The following ZNF527 variants were observed in gnomAD, a reference collection of about 807,000 sequenced individuals.
ZNF527 encodes zinc finger protein 527.
ZNF527 carries 5 observed loss-of-function variants against 13.5 expected under a neutral mutation model. The ratio of observed to expected loss-of-function variants is 0.37; its 90% CI spans 0.19 to 0.78. The LOEUF (loss-of-function observed/expected upper bound fraction) is 0.78, where lower values mean the gene tolerates loss of function less well. Ranked by LOEUF, ZNF527 falls within the 30% of genes least tolerant of loss-of-function variation. The pLI is 0.48. For missense variants in ZNF527, 628 were observed against 726.4 expected (o/e 0.86, Z 1.56); for synonymous variants, 209 against 243.1 (o/e 0.86, Z 1.30).
Position 37,385,532 on chromosome 19 carries a change from G to A in ZNF527, c.257-2774G>A, listed in dbSNP as rs1055239427. On this transcript the variant is annotated intron_variant, in intron 4 of 4. Transcript: ENST00000436120. ...TAGGTCCTATTATTGGTTTTGGAATGTTCTTTTTTTGTTCATAATTTTCTT... is the reference window on the plus strand; with the variant it reads ...TAGGTCCTATTATTGGTTTTGGAATATTCTTTTTTTGTTCATAATTTTCTT... 37 of 392,456 alleles carry A rather than the reference G, an allele frequency of 9.4e-5. 1 individual carries two copies. The highest frequency in any genetic ancestry group is 1.4e-4 in the Non-Finnish European group (32 of 223,058). 24.3% of individuals were successfully genotyped at this position (392,456 alleles called of 1,614,324 possible). A position where few individuals can be genotyped will look rare whatever the true frequency, so the allele number is the denominator to read the frequency against.
chr19:37,379,460 C>A, intron 3 of ZNF527: 73 of 160,704 alleles, frequency 4.5e-4, no homozygotes, highest in Middle Eastern at 5.1e-3. Context: ...GAAGTAATTT[C>A]TTTTTTTTTT....
chr19:37,388,736 G>A lies in ZNF527; in HGVS notation c.687G>A (p.Gln229=). 6.2e-6 allele frequency: 10 copies of A among 1,612,554 alleles called. No homozygotes were observed. Among genetic ancestry groups the A allele is most frequent in the African/African-American group, 1.3e-5 (1 of 74,916 alleles). ...LIGNECEEFN[Q]STYLSKDIGI... is the part of the protein sequence containing the mutation. ...GTAATGAATGTGAAGAATTCAACCA[G>A]AGTACGTACCTTAGTAAAGATATAG... The change falls in exon 5 of 5, where the codon CAG becomes CAA. Residue 229 remains glutamine (Q), a synonymous_variant. Coordinates refer to ENST00000436120, the MANE Select transcript of ZNF527 (RefSeq NM_032453.2).
intron 1 of ZNF527, 102 bp from the exon 2 acceptor site, chr19:37,374,056 C>T (rs1337382428): frequency 1.1e-5 from 8 of 761,698 alleles, no homozygotes; most frequent in Non-Finnish European, 1.8e-5. Flanking sequence ...GTGAGGCTGG[C>T]CCATGTAGGG....
At chr19:37,388,074 C>A (rs2040714592) in intron 4 of ZNF527, among the ~76,000 whole-genome samples, 1 of 152,124 alleles carries the variant, frequency 6.6e-6, no homozygotes, top group Non-Finnish European at 1.5e-5. Flanking sequence ...ACCTGTGTCC[C>A]CAACTACCAC....
At chr19:37,375,286 CTTT>C (rs1568691361) in intron 2 of ZNF527, among the ~76,000 whole-genome samples, 2 of 122,594 alleles carry the variant, frequency 1.6e-5, no homozygotes, top group African/African-American at 3.5e-5. Flanking sequence ...TTCTTTCTTT[CTTT>C]CTTTCTTTCT....
At chr19:37,383,417 G>C (rs979807796) in intron 4 of ZNF527, among the ~76,000 whole-genome samples, 4 of 151,996 alleles carry the variant, frequency 2.6e-5, no homozygotes, top group Non-Finnish European at 5.9e-5. Flanking sequence ...TGTAATTTTA[G>C]TAGAGACAGG....
intron 2 of ZNF527, among the ~76,000 whole-genome samples, chr19:37,375,775 C>T (rs1254257523): frequency 6.6e-6 from 1 of 151,970 alleles, no homozygotes; most frequent in African/African-American, 2.4e-5. Context: ...ACATTCAGAG[C>T]CACACAAGAA....
chr19:37,392,205 C>T lies in ZNF527; in HGVS notation c.*2326C>T, dbSNP rs945815667. 8.6e-5 allele frequency: 13 copies of T among 151,818 alleles called. No homozygotes were observed. The highest frequency in any genetic ancestry group is 3.1e-4 in the African/African-American group (13 of 41,338). 9.4% of individuals were successfully genotyped at this position (151,818 alleles called of 1,614,324 possible). On this transcript the variant is annotated 3_prime_UTR_variant, in exon 5 of 5. Transcript: ENST00000436120. The stretch of plus-strand genomic sequence containing the variant: ...ATATTATAAGCTTAATTCATGTCAT[C>T]ATTTCTTTATTTTTTATTATATTTC...
At chr19:37,383,931 T>G (rs973316402) in intron 4 of ZNF527, among the ~76,000 whole-genome samples, 1 of 152,228 alleles carries the variant, frequency 6.6e-6, no homozygotes, top group South Asian at 2.1e-4. Flanking sequence ...TTCTTTTCAT[T>G]TTAATAAGTG....
rs779490423 is a variant in ZNF527 at position 37,389,605 on chromosome 19, G to A, written c.1556G>A (p.Ser519Asn). ...TTAGTTCTAATTCACCATAAGAGAA[G>A]TCATGCAGGAGAGAAACCCTATGAA... Reference protein sequence around the residue: ...DALVLIHHKRSHAGEKPYECN... With the variant: ...DALVLIHHKRNHAGEKPYECN... Residue 519 changes from serine (S) to asparagine (N), a missense_variant, in exon 5 of 5, where the codon AGT becomes AAT. Ser to Asn is a conservative substitution (Grantham distance 46, BLOSUM62 1). Transcript: ENST00000436120. 1.9e-5 allele frequency: 31 copies of A among 1,613,688 alleles called. No homozygotes were observed. The highest frequency in any genetic ancestry group is 2.5e-5 in the Non-Finnish European group (30 of 1,179,984).
At chr19:37,385,532 GTTCTTT>G in intron 4 of ZNF527, 1 of 392,572 alleles carries the variant, frequency 2.5e-6, no homozygotes, top group Non-Finnish European at 4.5e-6. Flanking sequence ...GTTTTGGAAT[GTTCTTT>G]TTTTGTTCAT....
At position 37,388,742 on chromosome 19, in the gene ZNF527, G is replaced by T. The variant is rs73930983; in HGVS notation, c.693G>T (p.Thr231=). ...GNECEEFNQS[T]YLSKDIGIPP... ...AATGTGAAGAATTCAACCAGAGTAC[G>T]TACCTTAGTAAAGATATAGGAATTC... Residue 231 remains threonine (T), a synonymous_variant, in exon 5 of 5, where the codon ACG becomes ACT. Coordinates refer to ENST00000436120, the MANE Select transcript of ZNF527 (RefSeq NM_032453.2). 6.2e-7 allele frequency: 1 copy of T among 1,612,728 alleles called. No homozygotes were observed. The highest frequency in any genetic ancestry group is 2.2e-5 in the East Asian group (1 of 44,872).
Position 37,388,984 on chromosome 19 carries a change from G to C in ZNF527, c.935G>C (p.Ser312Thr). The C allele has an allele frequency of 6.2e-7, 1 of 1,614,174 alleles. No individual in the cohort carries two copies. The highest frequency in any genetic ancestry group is 1.1e-5 in the South Asian group (1 of 91,076). ...YACNDCGKAF[S>T]HDFFLSEHQR... ...TGCAATGACTGTGGAAAAGCCTTTA[G>C]CCACGACTTCTTTCTCAGTGAACAT... The change falls in exon 5 of 5, where the codon AGC becomes ACC. Residue 312 changes from serine (S) to threonine (T), a missense_variant. By Grantham distance (58) the Ser-to-Thr change is moderately conservative. This residue lies in a region of ZNF527 where 592 missense variants were observed against 678.0 expected (regional missense o/e 0.87). Coordinates refer to ENST00000436120, the MANE Select transcript of ZNF527 (RefSeq NM_032453.2).
chr19:37,383,320 C>T (rs534432278), intron 4 of ZNF527, among the ~76,000 whole-genome samples: 4 of 152,226 alleles, frequency 2.6e-5, no homozygotes, highest in East Asian at 1.9e-4. Flanking sequence ...ACTGCAACCT[C>T]TGCCTTCCAG....
intron 4 of ZNF527, among the ~76,000 whole-genome samples, chr19:37,384,038 G>C (rs2040676709): frequency 6.6e-6 from 1 of 151,834 alleles, no homozygotes; most frequent in African/African-American, 2.4e-5. Flanking sequence ...AGCACTTTCA[G>C]GCTGGGTGTG....
In ZNF527 at chr19:37,390,524, C is replaced by A. The variant is rs2040743964; in HGVS notation, c.*645C>A. ...AGTCCTTTGCGGGTATTCCTATGGG[C>A]AGTAAGAGAGGTTTTATTCTGGAAC... On this transcript the variant is annotated 3_prime_UTR_variant, in exon 5 of 5. Transcript: ENST00000436120. 1 of 152,124 alleles carries A rather than the reference C, an allele frequency of 6.6e-6. No individual in the cohort carries two copies. The highest frequency in any genetic ancestry group is 2.1e-4 in the South Asian group (1 of 4,824). The allele number at this position is 152,124 out of a possible 1,614,324, so 9.4% of individuals were successfully genotyped here. A position where few individuals can be genotyped will look rare whatever the true frequency, so the allele number is the denominator to read the frequency against.
chr19:37,383,144 G>A (rs1357625255), intron 4 of ZNF527, among the ~76,000 whole-genome samples: 1 of 152,202 alleles, frequency 6.6e-6, no homozygotes, highest in Non-Finnish European at 1.5e-5. Context: ...CTGGAGGTCA[G>A]AAGTAAAAAG....
rs2040746702 is a variant in ZNF527, at chr19:37,390,862, G to A, written c.*983G>A. ...ATAAAAGAAAGCCTTAATTTTTTAC[G>A]TGGCATAATTATTTATCCTGAGGAG... On this transcript the variant is annotated 3_prime_UTR_variant, in exon 5 of 5. Transcript: ENST00000436120. The A allele has an allele frequency of 6.6e-6, 1 of 152,022 alleles. No individual in the cohort carries two copies. Among genetic ancestry groups the A allele is most frequent in the African/African-American group, 2.4e-5 (1 of 41,368 alleles). 9.4% of individuals were successfully genotyped at this position (152,022 alleles called of 1,614,324 possible). A position where few individuals can be genotyped will look rare whatever the true frequency, so the allele number is the denominator to read the frequency against.
In ZNF527 at chr19:37,379,254, T is replaced by A. The variant is rs750876448; in HGVS notation, c.160+8T>A. On this transcript the variant is annotated splice_region_variant and intron_variant, in intron 3 of 4. Coordinates refer to ENST00000436120, the MANE Select transcript of ZNF527 (RefSeq NM_032453.2). ...GGAACTTGGTATGGCTTGGTAAGGA[T>A]GTTTCTCCCCCATAATTTAAAAATC... 1.9e-6 allele frequency: 3 copies of A among 1,581,856 alleles called. No individual in the cohort carries two copies. The East Asian group carries it at 6.8e-5, about 36-fold the overall frequency.
Sources: gnomAD v4.1 joint callset for allele counts (sites outside exome capture counted in the v4.1 genomes callset) on GRCh38, gnomAD v4.1.1 for gene constraint, gnomAD v4.1.1 regional missense constraint, MANE v1.5 for transcripts, NCBI Gene and HGNC (gene_info 2026-07-23, HGNC 2026-07-21) for gene names.